The following USH2A variants were observed in gnomAD, a reference collection of about 807,000 sequenced individuals.
USH2A encodes the protein Usher syndrome 2A (autosomal recessive, mild).
USH2A carries 443 observed loss-of-function variants against 538.9 expected under a neutral mutation model. That is an observed-to-expected ratio of 0.82 (90% CI 0.76 to 0.89). The LOEUF (loss-of-function observed/expected upper bound fraction) is 0.89. Among genes scored for constraint, USH2A ranks in the 40% least tolerant of loss-of-function variants. USH2A has a pLI of 0.00. For synonymous variants in USH2A, 2,413 were observed against 2,273.5 expected, an observed-to-expected ratio of 1.06 and a Z score of -1.75; for missense variants, 6,633 against 6,324.8, an observed-to-expected ratio of 1.05 and a Z score of -1.65.
At chr1:215,672,500 C>G (rs2797232) in intron 63 of USH2A, among the ~76,000 whole-genome samples, 50,420 of 152,056 alleles carry the variant, frequency 0.33, 10,284 homozygotes, top group Non-Finnish European at 0.44. Flanking sequence ...AAATCCATAG[C>G]TGTGTATGGT....
Position 215,640,741 on chromosome 1 carries a change from G to C in USH2A, c.14792-7C>G. On this transcript the variant is annotated splice_region_variant and splice_polypyrimidine_tract_variant and intron_variant, in intron 67 of 71. Coordinates refer to ENST00000307340, the MANE Select transcript of USH2A (RefSeq NM_206933.4). Reference sequence around the variant, plus strand: ...GGGGCTCGGTACTGAGGCACTGTGGGGAGAAAGTTGTATGTTCTAAAAAGG... The same window carrying C: ...GGGGCTCGGTACTGAGGCACTGTGGCGAGAAAGTTGTATGTTCTAAAAAGG... The C allele has an allele frequency of 1.9e-6, 3 of 1,612,728 alleles. No individual in the cohort carries two copies. The highest frequency in any genetic ancestry group is 2.5e-6 in the Non-Finnish European group (3 of 1,179,728).
rs12401812 is a variant in USH2A, at chr1:215,900,053, G to A, written c.7594+22C>T. ...CTCCCTATGTAGAAGACATTTGGCT[G>A]TGTATTGTTCAGACCACTTACTGTC... is the stretch of plus-strand genomic sequence containing the variant. On this transcript the variant is annotated intron_variant, in intron 40 of 71. Transcript: ENST00000307340. 131,653 of 1,613,150 alleles carry A rather than the reference G, an allele frequency of 0.082. 5,999 individuals carry two copies. The highest frequency in any genetic ancestry group is 0.11 in the Admixed American group (6,368 of 59,948).
chr1:215,722,064 C>G (rs1286217013), intron 61 of USH2A, among the ~76,000 whole-genome samples: 3 of 60,384 alleles, frequency 5.0e-5, no homozygotes, highest in African/African-American at 1.6e-4. Flanking sequence ...GACCCTGTCT[C>G]TTTAAAAAAA....
rs1191447358 is a variant in USH2A, at chr1:216,415,328, G to C, written c.651+3186C>G. ...CAGTTTGAGACGTCAAGGCGGGCAGGGTATAGGTGTGAGCCACTGTGCCCA... is the reference window on the plus strand; with the variant it reads ...CAGTTTGAGACGTCAAGGCGGGCAGCGTATAGGTGTGAGCCACTGTGCCCA... On this transcript the variant is annotated intron_variant, in intron 3 of 71. Transcript: ENST00000307340. 2.0e-5 allele frequency among the ~76,000 whole-genome samples: 3 copies of C among 152,032 alleles called. No homozygotes were observed. In the East Asian group the frequency reaches 5.8e-4, roughly 29 times the overall value.
chr1:215,951,863 T>TA (rs879816191), intron 37 of USH2A, among the ~76,000 whole-genome samples: 2 of 149,064 alleles, frequency 1.3e-5, no homozygotes, highest in South Asian at 2.3e-4. Context: ...ATTTTTTATT[T>TA]TTTTTATTTT....
At position 215,759,560 on chromosome 1, in the gene USH2A, T is replaced by C. The variant is rs1660918113; in HGVS notation, c.11231+100A>G. 2.1e-6 allele frequency: 3 copies of C among 1,455,048 alleles called. No homozygotes were observed. The African/African-American group carries it at 4.2e-5, about 21-fold the overall frequency. 90.1% of individuals were successfully genotyped at this position (1,455,048 alleles called of 1,614,324 possible). A position where few individuals can be genotyped will look rare whatever the true frequency, so the allele number is the denominator to read the frequency against. On this transcript the variant is annotated intron_variant, in intron 57 of 71. Transcript: ENST00000307340. ...ATGGCCAATGAATGAGGAAGTTAAT[T>C]AAACAATTTAACAACTTTCAGTGGG...
intron 4 of USH2A, among the ~76,000 whole-genome samples, chr1:216,330,478 G>A (rs143056058): frequency 1.2e-4 from 18 of 152,030 alleles, no homozygotes; most frequent in Admixed American, 3.3e-4. Context: ...AATGTTCCAG[G>A]CAGGCATTAA....
At chr1:215,870,051 C>A (rs759483829) in intron 43 of USH2A, among the ~76,000 whole-genome samples, 17 of 152,012 alleles carry the variant, frequency 1.1e-4, no homozygotes, top group Non-Finnish European at 1.9e-4. Context: ...ACAGATTAAA[C>A]AAAAAACCCT....
At chr1:215,852,515 A>G (rs1289152151) in intron 44 of USH2A, among the ~76,000 whole-genome samples, 1 of 152,118 alleles carries the variant, frequency 6.6e-6, no homozygotes, top group Non-Finnish European at 1.5e-5. Flanking sequence ...AAAGCCAGTC[A>G]TGCCTTCCCC....
chr1:215,851,862 A>G (rs1409035666), intron 44 of USH2A, among the ~76,000 whole-genome samples: 1 of 152,070 alleles, frequency 6.6e-6, no homozygotes, highest in Non-Finnish European at 1.5e-5. Context: ...GTTTCATACC[A>G]GGGATGCAGG....
At chr1:216,253,151 CTTT>C (rs55786784) in intron 11 of USH2A, among the ~76,000 whole-genome samples, 3 of 138,922 alleles carry the variant, frequency 2.2e-5, no homozygotes, top group Admixed American at 7.2e-5. Flanking sequence ...GTTATTTTTT[CTTT>C]TTTTTTTTTT....
intron 55 of USH2A, among the ~76,000 whole-genome samples, chr1:215,771,326 A>G (rs1296285804): frequency 1.3e-5 from 2 of 151,694 alleles, no homozygotes; most frequent in East Asian, 3.9e-4. Flanking sequence ...CACGCCTGTA[A>G]TCCCAGCACT....
chr1:216,177,132 C>T (rs777470983), intron 20 of USH2A, among the ~76,000 whole-genome samples: 1 of 152,160 alleles, frequency 6.6e-6, no homozygotes. Flanking sequence ...TTTCAAGACA[C>T]TGCCAAACTG....
At chr1:216,390,377 A>T (rs1242549318) in intron 3 of USH2A, among the ~76,000 whole-genome samples, 2 of 152,184 alleles carry the variant, frequency 1.3e-5, no homozygotes, top group Non-Finnish European at 2.9e-5. Context: ...TTAAAAATTG[A>T]ACATAACTGA....
At chr1:216,184,659 G>A (rs1558303932) in intron 20 of USH2A, among the ~76,000 whole-genome samples, 1 of 151,562 alleles carries the variant, frequency 6.6e-6, no homozygotes, top group Admixed American at 6.6e-5. Flanking sequence ...TGAATAAAAA[G>A]GTAGAAAAAT....
At chr1:215,798,497 A>C (rs1662205524) in intron 50 of USH2A, among the ~76,000 whole-genome samples, 1 of 152,202 alleles carries the variant, frequency 6.6e-6, no homozygotes, top group Admixed American at 6.5e-5. Context: ...AGTGTCTGTT[A>C]GTATTCATTC....
intron 47 of USH2A, among the ~76,000 whole-genome samples, chr1:215,822,765 G>T (rs1014072977): frequency 6.6e-6 from 1 of 151,800 alleles, no homozygotes; most frequent in Non-Finnish European, 1.5e-5. Flanking sequence ...GTCATACATG[G>T]CTTTTATTTT....
intron 21 of USH2A, among the ~76,000 whole-genome samples, chr1:216,147,161 A>T (rs1066183): frequency 6.6e-6 from 1 of 150,700 alleles, no homozygotes; most frequent in East Asian, 1.9e-4. Flanking sequence ...AACCCCAAGC[A>T]TCGCTGAGTC....
chr1:216,020,352 G>A (rs1291716596), intron 32 of USH2A, among the ~76,000 whole-genome samples: 2 of 152,110 alleles, frequency 1.3e-5, no homozygotes, highest in East Asian at 1.9e-4. Context: ...ACCCTACATA[G>A]TATGGGTTGG....
Sources: allele counts gnomAD v4.1 joint callset (sites outside exome capture counted in the v4.1 genomes callset), GRCh38; gene constraint gnomAD v4.1.1; transcripts MANE v1.5; gene names NCBI Gene and HGNC (gene_info 2026-07-23, HGNC 2026-07-21).